RSF1: variants seen among roughly 807,000 people sequenced by gnomAD.
RSF1 encodes HBV pX-associated protein 8.
A neutral mutation model predicts 145.2 loss-of-function variants in RSF1; 13 were observed. The observed-to-expected ratio is 0.09, with a 90% CI of 0.06 to 0.14. RSF1 has a LOEUF of 0.14. Among genes scored for constraint, RSF1 ranks in the 10% least tolerant of loss-of-function variants. RSF1 has a pLI of 1.00. For missense variants in RSF1, 1,517 were observed against 1,718.2 expected (o/e 0.88, Z 2.07); for synonymous variants, 577 against 592.6 (o/e 0.97, Z 0.38).
At chr11:77,744,266 T>G (rs375321812) in intron 3 of RSF1, among the ~76,000 whole-genome samples, 2 of 152,184 alleles carry the variant, frequency 1.3e-5, no homozygotes, top group Non-Finnish European at 2.9e-5. Context: ...TGACCTCTAC[T>G]GATCCATCCG....
intron 4 of RSF1, among the ~76,000 whole-genome samples, chr11:77,736,790 T>G (rs916379852): frequency 4.6e-5 from 7 of 152,210 alleles, no homozygotes; most frequent in Non-Finnish European, 7.3e-5. Context: ...TCTTTACAAG[T>G]TGAGGCCTTT....
Position 77,797,317 on chromosome 11 carries a change from T to C in RSF1, c.187+23211A>G, listed in dbSNP as rs536716492. 4.8e-4 allele frequency among the ~76,000 whole-genome samples: 73 copies of C among 152,252 alleles called. 2 individuals carry two copies. The South Asian group carries it at 0.015, about 31-fold the overall frequency. On this transcript the variant is annotated intron_variant, in intron 1 of 15. Coordinates refer to ENST00000308488, the MANE Select transcript of RSF1 (RefSeq NM_016578.4). ...TGGTACTGGTACCAAAACAGATATA[T>C]AGTCCAATGGAGCAAAACAGAGGCC... is the stretch of plus-strand genomic sequence containing the variant.
the RSF1 span, among the ~76,000 whole-genome samples, chr11:77,852,904 C>T: frequency 6.6e-6 from 1 of 152,036 alleles, no homozygotes; most frequent in Non-Finnish European, 1.5e-5. Context: ...TAGTAACCAA[C>T]TTTGTGAATG....
chr11:77,753,705 A>G (rs1948087240), intron 2 of RSF1, among the ~76,000 whole-genome samples: 1 of 152,230 alleles, frequency 6.6e-6, no homozygotes, highest in South Asian at 2.1e-4. Flanking sequence ...CCCCTGGTAG[A>G]GGTAAAGGAT....
At chr11:77,744,327 CTTAT>C (rs1947976441) in intron 3 of RSF1, among the ~76,000 whole-genome samples, 1 of 151,924 alleles carries the variant, frequency 6.6e-6, no homozygotes, top group Non-Finnish European at 1.5e-5. Flanking sequence ...CCCCGCCTGG[CTTAT>C]TTATTTTTTA....
At chr11:77,718,940 G>T (rs1402897496) in intron 5 of RSF1, among the ~76,000 whole-genome samples, 1 of 152,156 alleles carries the variant, frequency 6.6e-6, no homozygotes, top group Non-Finnish European at 1.5e-5. Flanking sequence ...TCATCAGTAA[G>T]TTAATCTACC....
intron 15 of RSF1, 53 bp downstream of exon 15, chr11:77,671,989 A>G (rs1208652521): frequency 3.9e-5 from 56 of 1,425,562 alleles, no homozygotes; most frequent in Non-Finnish European, 4.8e-5. Context: ...TTCACTTTAT[A>G]ATGTCTATTT....
At chr11:77,854,999 C>T in the RSF1 span, among the ~76,000 whole-genome samples, 1 of 152,210 alleles carries the variant, frequency 6.6e-6, no homozygotes, top group African/African-American at 2.4e-5. Context: ...ATGGAAGCCA[C>T]CAAGGCCTAT....
intron 13 of RSF1, 28 bp downstream of exon 13, chr11:77,676,764 G>T (rs1959712794): frequency 6.3e-7 from 1 of 1,599,012 alleles, no homozygotes. Flanking sequence ...GGTATCTAGG[G>T]ATCGGGGCCT....
At chr11:77,770,298 T>C (rs1948269299) in intron 1 of RSF1, among the ~76,000 whole-genome samples, 1 of 152,024 alleles carries the variant, frequency 6.6e-6, no homozygotes, top group Admixed American at 6.6e-5. Flanking sequence ...CCATCTCTAC[T>C]AAAAATACAA....
At chr11:77,853,282 A>G in the RSF1 span, among the ~76,000 whole-genome samples, 1 of 152,364 alleles carries the variant, frequency 6.6e-6, no homozygotes, top group East Asian at 1.9e-4. Flanking sequence ...TAGTTTCTAA[A>G]GAAAAGAGGT....
At chr11:77,796,278 C>A (rs1948571574) in intron 1 of RSF1, among the ~76,000 whole-genome samples, 1 of 152,044 alleles carries the variant, frequency 6.6e-6, no homozygotes, top group Admixed American at 6.6e-5. Flanking sequence ...ATTGGCAAAC[C>A]AAATCCAGCA....
intron 5 of RSF1, among the ~76,000 whole-genome samples, chr11:77,719,195 C>T (rs541575156): frequency 6.6e-6 from 1 of 152,232 alleles, no homozygotes; most frequent in South Asian, 2.1e-4. Flanking sequence ...GATTGTGGCA[C>T]TAGATTCCAG....
chr11:77,665,446 CAATG>C lies in RSF1; in HGVS notation c.*1467_*1470del, dbSNP rs1240250449. 1 of 152,150 alleles carries C rather than the reference CAATG, an allele frequency of 6.6e-6. No homozygotes were observed. Among genetic ancestry groups the C allele is most frequent in the Non-Finnish European group, 1.5e-5 (1 of 68,032 alleles). The allele number at this position is 152,150 out of a possible 1,614,324, so 9.4% of individuals were successfully genotyped here. A position where few individuals can be genotyped will look rare whatever the true frequency, so the allele number is the denominator to read the frequency against. ...TTAATCACAAGTGCTACACTCTGTA[CAATG>C]TTATGGCTCTGCCTGAAATTTTACA... is the stretch of plus-strand genomic sequence containing the variant. On this transcript the variant is annotated 3_prime_UTR_variant, in exon 16 of 16. Coordinates refer to ENST00000308488, the MANE Select transcript of RSF1 (RefSeq NM_016578.4).
intron 1 of RSF1, among the ~76,000 whole-genome samples, chr11:77,785,561 G>T (rs886487762): frequency 4.8e-5 from 7 of 146,114 alleles, no homozygotes; most frequent in Non-Finnish European, 7.6e-5. Flanking sequence ...TTGCACTCCA[G>T]CCCAGGCAAC....
At chr11:77,765,119 T>TA (rs1478754001) in intron 1 of RSF1, among the ~76,000 whole-genome samples, 1 of 145,980 alleles carries the variant, frequency 6.9e-6, no homozygotes, top group African/African-American at 2.4e-5. Flanking sequence ...AAATTGCTCT[T>TA]AAAAAAATAG....
At chr11:77,825,634 T>C (rs1413998725), upstream of RSF1, among the ~76,000 whole-genome samples, 1 of 152,036 alleles carries the variant, frequency 6.6e-6, no homozygotes, top group Non-Finnish European at 1.5e-5. Flanking sequence ...GAATTCTGTG[T>C]TACAACAGAA....
chr11:77,717,944 T>C (rs1450184615), intron 5 of RSF1: 2 of 152,256 alleles, frequency 1.3e-5, no homozygotes, highest in African/African-American at 4.8e-5. Flanking sequence ...GTATTTCCAA[T>C]TGTCCTTACA....
chr11:77,831,664 A>C, the RSF1 span, among the ~76,000 whole-genome samples: 111 of 151,542 alleles, frequency 7.3e-4, no homozygotes, highest in African/African-American at 2.1e-3. Context: ...AACATGAAAG[A>C]AGCAGCCACC....
Sources: allele counts gnomAD v4.1 joint callset (sites outside exome capture counted in the v4.1 genomes callset), GRCh38; gene constraint gnomAD v4.1.1; transcripts MANE v1.5; gene names NCBI Gene and HGNC (gene_info 2026-07-23, HGNC 2026-07-21).